Variants in ADAMTSL3 observed in about 807,000 individuals in gnomAD.
The protein encoded by ADAMTSL3 is ADAMTS like 3, also known as ADAMTS-like protein 3.
In ADAMTSL3, 128 loss-of-function variants were observed where a neutral mutation model predicts 201.7. The ratio of observed to expected loss-of-function variants is 0.63; its 90% confidence interval spans 0.55 to 0.73. The LOEUF is 0.73. Among genes scored for constraint, ADAMTSL3 ranks in the 30% least tolerant of loss-of-function variants. ADAMTSL3 has a pLI of 0.00. For synonymous variants in ADAMTSL3, 738 were observed against 748.4 expected (o/e 0.99, Z 0.23); for missense variants, 1,990 against 2,119.6 (o/e 0.94, Z 1.20).
chr15:83,866,761 A>T (rs980833474), intron 8 of ADAMTSL3, among the ~76,000 whole-genome samples: 24 of 151,928 alleles, frequency 1.6e-4, no homozygotes, highest in African/African-American at 4.8e-4. Flanking sequence ...AAGTATAATA[A>T]AAAAAAAGAA....
chr15:83,951,551 A>C (rs908702493), intron 19 of ADAMTSL3, among the ~76,000 whole-genome samples: 1 of 152,128 alleles, frequency 6.6e-6, no homozygotes, highest in Non-Finnish European at 1.5e-5. Context: ...GAAGTATTCT[A>C]TCCTCCACTA....
chr15:83,754,673 T>C (rs980726303), intron 3 of ADAMTSL3, among the ~76,000 whole-genome samples: 3 of 152,270 alleles, frequency 2.0e-5, no homozygotes, highest in Non-Finnish European at 2.9e-5. Flanking sequence ...GGTAAATACA[T>C]AGACATAGGG....
intron 7 of ADAMTSL3, among the ~76,000 whole-genome samples, chr15:83,852,818 T>TGA (rs1304045468): frequency 6.6e-6 from 1 of 152,162 alleles, no homozygotes; most frequent in Non-Finnish European, 1.5e-5. Flanking sequence ...TTTTATATCT[T>TGA]GAGAGAGAGA....
rs140462473 is a variant in ADAMTSL3, at chr15:84,025,297, G to A, written c.4517G>A (p.Arg1506Gln). Residue 1506 changes from arginine (R) to glutamine (Q), a missense_variant, in exon 27 of 30, where the codon CGG becomes CAG. Transcript: ENST00000286744. ...TCTTGCGGTGAAGGATACCACAGTC[G>A]GCAGGTGACGTGCAAGCGGACAAAA... ...SVSCGEGYHS[R>Q]QVTCKRTKAN... The A allele has an allele frequency of 4.6e-5, 74 of 1,613,992 alleles. No individual in the cohort carries two copies. Among genetic ancestry groups the A allele is most frequent in the South Asian group, 1.8e-4 (16 of 91,034 alleles).
chr15:83,715,532 A>G (rs949823408), intron 3 of ADAMTSL3, among the ~76,000 whole-genome samples: 5 of 151,962 alleles, frequency 3.3e-5, no homozygotes, highest in Non-Finnish European at 7.4e-5. Flanking sequence ...AGCACTGCAC[A>G]TTTCCTCCTT....
intron 10 of ADAMTSL3, among the ~76,000 whole-genome samples, chr15:83,888,883 T>G (rs1433137838): frequency 6.6e-6 from 1 of 152,224 alleles, no homozygotes; most frequent in Non-Finnish European, 1.5e-5. Context: ...TAAAATCAGA[T>G]TCCTCTCGAC....
intron 7 of ADAMTSL3, among the ~76,000 whole-genome samples, chr15:83,841,031 T>G (rs549122156): frequency 6.7e-4 from 102 of 152,324 alleles, no homozygotes; most frequent in African/African-American, 2.4e-3. Context: ...TGAAAAGCGT[T>G]TTTTTAAATA....
intron 3 of ADAMTSL3, among the ~76,000 whole-genome samples, chr15:83,708,502 C>T (rs1015628166): frequency 2.0e-5 from 3 of 151,906 alleles, no homozygotes; most frequent in Non-Finnish European, 4.4e-5. Context: ...TACGGAGGGC[C>T]GCGGCAGCTT....
chr15:83,970,525 G>A lies in ADAMTSL3; in HGVS notation c.2532G>A (p.Gln844=). 6.2e-7 allele frequency: 1 copy of A among 1,614,210 alleles called. No homozygotes were observed. The highest frequency in any genetic ancestry group is 1.3e-5 in the African/African-American group (1 of 75,058). The change falls in exon 20 of 30, where the codon CAG becomes CAA. Residue 844 remains glutamine, a synonymous_variant. Transcript: ENST00000286744. ...GTGTTGGAATCCAGAGAAGAAAGCA[G>A]GTGTGTCAAAGGCTGGCAGCCAAAG... ...SCGVGIQRRK[Q]VCQRLAAKGR...
chr15:83,922,012 A>G (rs2066154976), intron 16 of ADAMTSL3, among the ~76,000 whole-genome samples: 1 of 152,242 alleles, frequency 6.6e-6, no homozygotes, highest in African/African-American at 2.4e-5. Flanking sequence ...TATTCAAAAA[A>G]TGATGCTGAC....
At chr15:83,835,227 CTG>C (rs2064242932) in intron 6 of ADAMTSL3, among the ~76,000 whole-genome samples, 1 of 95,496 alleles carries the variant, frequency 1.0e-5, no homozygotes, top group Non-Finnish European at 1.9e-5. Flanking sequence ...GAGCAAGACT[CTG>C]TCTCAAAAAA....
chr15:83,997,714 A>C (rs1248637389), intron 23 of ADAMTSL3, among the ~76,000 whole-genome samples: 1 of 152,110 alleles, frequency 6.6e-6, no homozygotes, highest in African/African-American at 2.4e-5. Flanking sequence ...TTTTTTTGAC[A>C]TGTGGTTATC....
rs148019199 is a variant in ADAMTSL3, at chr15:83,920,253, G to A, written c.1988-3651G>A. Among the ~76,000 whole-genome samples the A allele has an allele frequency of 3.2e-3, 485 of 152,264 alleles. 2 individuals are homozygous for A. The highest frequency in any genetic ancestry group is 0.011 in the African/African-American group (465 of 41,550). On this transcript the variant is annotated intron_variant, in intron 16 of 29. Transcript: ENST00000286744. The stretch of plus-strand genomic sequence containing the variant: ...CCGACATGGTACATTAGCAACTGCC[G>A]TTTTGTTTTCTCCAAATCCCTTCAA...
intron 21 of ADAMTSL3, among the ~76,000 whole-genome samples, chr15:83,986,718 A>G (rs2067483326): frequency 6.6e-6 from 1 of 152,242 alleles, no homozygotes; most frequent in Non-Finnish European, 1.5e-5. Flanking sequence ...AGCCTCATTC[A>G]ATGAGAGAAA....
chr15:83,804,561 G>A (rs2063573343), intron 4 of ADAMTSL3, 89 bp from the exon 5 acceptor site: 6 of 822,002 alleles, frequency 7.3e-6, no homozygotes, highest in Non-Finnish European at 1.1e-5. Flanking sequence ...GGGAACCAAT[G>A]CCTTGTATTT....
chr15:83,880,601 C>A (rs1171446096), intron 9 of ADAMTSL3, among the ~76,000 whole-genome samples: 1 of 152,196 alleles, frequency 6.6e-6, no homozygotes, highest in Non-Finnish European at 1.5e-5. Context: ...ATTATTGCAT[C>A]TTTTATTCCT....
intron 23 of ADAMTSL3, among the ~76,000 whole-genome samples, chr15:83,999,485 G>A (rs117071191): frequency 3.3e-5 from 5 of 152,316 alleles, no homozygotes; most frequent in African/African-American, 4.8e-5. Context: ...TTGCCAGCTA[G>A]GAAGTCTGAA....
At chr15:83,855,218 C>A (rs151262097) in intron 7 of ADAMTSL3, among the ~76,000 whole-genome samples, 1 of 152,156 alleles carries the variant, frequency 6.6e-6, no homozygotes, top group Non-Finnish European at 1.5e-5. Context: ...CTCTGGCATA[C>A]GCAGAGCCCC....
chr15:83,820,134 G>A (rs1183241450), intron 6 of ADAMTSL3, 87 bp downstream of exon 6: 1 of 1,217,024 alleles, frequency 8.2e-7, no homozygotes, highest in Non-Finnish European at 1.2e-6. Flanking sequence ...CTGTATTTTT[G>A]TTCATGCAGA....
Sources: gnomAD v4.1 joint callset for allele counts (sites outside exome capture counted in the v4.1 genomes callset) on GRCh38, gnomAD v4.1.1 for gene constraint, MANE v1.5 for transcripts, NCBI Gene and HGNC (gene_info 2026-07-23, HGNC 2026-07-21) for gene names.